The following NPIPA7 variants were observed in gnomAD, a reference collection of about 807,000 sequenced individuals.
The protein encoded by NPIPA7 is nuclear pore complex interacting protein family member A7, also known as nuclear pore complex-interacting protein family member A7.
At chr16:16,388,561 C>T (rs2050227379) in intron 4 of NPIPA7, among the ~76,000 whole-genome samples, 1 of 39,036 alleles carries the variant, frequency 2.6e-5, no homozygotes, top group African/African-American at 9.7e-5. Context: ...GACGGAGTCT[C>T]ACTCTGTCAC....
chr16:16,386,867 A>G (rs1195220725), intron 2 of NPIPA7, among the ~76,000 whole-genome samples: 2 of 128,452 alleles, frequency 1.6e-5, no homozygotes, highest in Non-Finnish European at 3.4e-5. Flanking sequence ...CTCCTGCCTC[A>G]GCCTCGCGAC....
At position 16,387,231 on chromosome 16, in the gene NPIPA7, TG is replaced by T. The variant is rs1264830463; in HGVS notation, c.193-167del. Among the ~76,000 whole-genome samples, 2 of 141,968 alleles carry T rather than the reference TG, an allele frequency of 1.4e-5. 1 individual carries two copies. The highest frequency in any genetic ancestry group is 5.0e-5 in the African/African-American group (2 of 40,108). The allele number at this position is 141,968 out of a possible 152,430, so 93.1% of individuals were successfully genotyped here. ...CTCGGATTACAGGCGCCCACTGCCATGCCCGGCTAATTTTTGTATTTTTAGT... is the reference window on the plus strand; with the variant it reads ...CTCGGATTACAGGCGCCCACTGCCATCCCGGCTAATTTTTGTATTTTTAGT... On this transcript the variant is annotated intron_variant, in intron 2 of 7. Transcript: ENST00000530217.
At chr16:16,382,256 ACT>A (rs1172604505) in intron 1 of NPIPA7, among the ~76,000 whole-genome samples, 1 of 38,122 alleles carries the variant, frequency 2.6e-5, no homozygotes, top group Non-Finnish European at 4.1e-5. Flanking sequence ...CAAGTAAATA[ACT>A]AAAGAAAAGA....
chr16:16,388,353 C>CT (rs1369617160), intron 4 of NPIPA7, among the ~76,000 whole-genome samples: 27 of 21,662 alleles, frequency 1.2e-3, no homozygotes, highest in East Asian at 7.0e-3. Flanking sequence ...AGCACCCAGC[C>CT]TTTTTTTTTT....
At chr16:16,386,049 G>C (rs1391307668) in intron 2 of NPIPA7, among the ~76,000 whole-genome samples, 231 of 58,744 alleles carry the variant, frequency 3.9e-3, no homozygotes, top group African/African-American at 0.017. Flanking sequence ...ACCCACATCT[G>C]AGATGGGATT....
At chr16:16,386,382 A>G (rs1212796465) in intron 2 of NPIPA7, among the ~76,000 whole-genome samples, 2 of 139,606 alleles carry the variant, frequency 1.4e-5, no homozygotes, top group African/African-American at 5.4e-5. Flanking sequence ...AATACTTACA[A>G]GATGATAATT....
chr16:16,385,984 C>T (rs1480415220), intron 2 of NPIPA7, among the ~76,000 whole-genome samples: 4 of 21,494 alleles, frequency 1.9e-4, no homozygotes, highest in African/African-American at 8.7e-4. Context: ...AGTGACACTC[C>T]GTCTCAAGAA....
chr16:16,388,499 G>T (rs1316214564), intron 4 of NPIPA7, among the ~76,000 whole-genome samples: 1 of 34,130 alleles, frequency 2.9e-5, no homozygotes, highest in Non-Finnish European at 5.9e-5. Context: ...TGGATTACAG[G>T]TGTGTGCCGC....
chr16:16,386,670 C>G (rs2050142911), intron 2 of NPIPA7, among the ~76,000 whole-genome samples: 1 of 124,102 alleles, frequency 8.1e-6, no homozygotes, highest in Non-Finnish European at 1.8e-5. Context: ...GGATGATCTC[C>G]ATCTCTTGAC....
At chr16:16,388,457 G>C (rs2050220913) in intron 4 of NPIPA7, among the ~76,000 whole-genome samples, 1 of 14,562 alleles carries the variant, frequency 6.9e-5, no homozygotes, top group Non-Finnish European at 1.3e-4. Context: ...CTCCCAGTTT[G>C]AAGCAATTCT....
At chr16:16,386,168 T>A (rs1326228468) in intron 2 of NPIPA7, among the ~76,000 whole-genome samples, 1 of 93,888 alleles carries the variant, frequency 1.1e-5, no homozygotes, top group Non-Finnish European at 2.2e-5. Context: ...TTAGTGAGAA[T>A]GTTTTGCGTT....
At chr16:16,387,004 C>A (rs2050160116) in intron 2 of NPIPA7, among the ~76,000 whole-genome samples, 1 of 145,572 alleles carries the variant, frequency 6.9e-6, no homozygotes, top group African/African-American at 2.5e-5. Context: ...CTGCCTCGGC[C>A]TCCCAAAGTA....
chr16:16,388,580 G>C (rs1374252730), intron 4 of NPIPA7, among the ~76,000 whole-genome samples: 1 of 27,144 alleles, frequency 3.7e-5, no homozygotes, highest in Non-Finnish European at 7.2e-5. Flanking sequence ...ACCCAGGCTA[G>C]AGTGCGGTGG....
chr16:16,386,814 A>G (rs893436428), intron 2 of NPIPA7, among the ~76,000 whole-genome samples: 4 of 128,212 alleles, frequency 3.1e-5, no homozygotes, highest in African/African-American at 8.4e-5. Context: ...CAATGGCACA[A>G]TCTCAGCTCA....
At chr16:16,388,024 G>A (rs1596861419) in intron 4 of NPIPA7, among the ~76,000 whole-genome samples, 1 of 90,952 alleles carries the variant, frequency 1.1e-5, no homozygotes, top group East Asian at 4.1e-4. Flanking sequence ...GGAGTTGCTA[G>A]TACTGCATTG....
At chr16:16,387,056 TTC>T (rs1325526011) in intron 2 of NPIPA7, among the ~76,000 whole-genome samples, 1 of 122,644 alleles carries the variant, frequency 8.2e-6, no homozygotes, top group Non-Finnish European at 1.8e-5. Context: ...CCTCATGTCA[TTC>T]TTTGTGTGTG....
intron 2 of NPIPA7, among the ~76,000 whole-genome samples, chr16:16,386,485 C>T (rs1474380257): frequency 4.3e-5 from 3 of 69,320 alleles, no homozygotes; most frequent in Admixed American, 2.0e-4. Context: ...GAGTCTCACT[C>T]TGTCACCAGG....
At chr16:16,387,010 A>T (rs2050160316) in intron 2 of NPIPA7, among the ~76,000 whole-genome samples, 1 of 144,622 alleles carries the variant, frequency 6.9e-6, no homozygotes, top group Admixed American at 7.2e-5. Context: ...CGGCCTCCCA[A>T]AGTACTGGGA....
intron 4 of NPIPA7, among the ~76,000 whole-genome samples, chr16:16,388,039 T>C (rs2050200291): frequency 1.3e-5 from 1 of 78,320 alleles, no homozygotes; most frequent in Non-Finnish European, 2.1e-5. Context: ...GCATTGGTTT[T>C]CCTTTCTCTC....
Sources: allele counts gnomAD v4.1 joint callset (sites outside exome capture counted in the v4.1 genomes callset), GRCh38; gene constraint gnomAD v4.1.1; transcripts MANE v1.5; gene names NCBI Gene and HGNC (gene_info 2026-07-23, HGNC 2026-07-21).